RAB3C: variants seen among roughly 807,000 people sequenced by gnomAD.
RAB3C encodes ras-related protein Rab-3C.
RAB3C carries 17 observed loss-of-function variants against 26.4 expected under a neutral mutation model. That is an observed-to-expected ratio of 0.64 (90% CI 0.44 to 0.97). The LOEUF is 0.97. Among genes scored for constraint, RAB3C ranks in the 50% least tolerant of loss-of-function variants. The probability of loss-of-function intolerance (pLI) is 0.00; values close to 1 mark genes in which losing one functional copy is unlikely to be tolerated. For synonymous variants in RAB3C, 91 were observed against 95.9 expected (o/e 0.95, Z 0.30); for missense variants, 242 against 281.9 (o/e 0.86, Z 1.01).
chr5:58,822,265 G>A (rs544014192), intron 3 of RAB3C, among the ~76,000 whole-genome samples: 16 of 152,300 alleles, frequency 1.1e-4, no homozygotes, highest in African/African-American at 3.6e-4. Context: ...CTGCCAGAAC[G>A]TGACTCCCAC....
intron 2 of RAB3C, among the ~76,000 whole-genome samples, chr5:58,654,675 T>C (rs1747728445): frequency 8.6e-6 from 1 of 115,608 alleles, no homozygotes; most frequent in Non-Finnish European, 1.7e-5. Flanking sequence ...ATGCTCTCAC[T>C]CTCTCTTCTC....
At chr5:58,810,579 T>C (rs7728705) in intron 3 of RAB3C, among the ~76,000 whole-genome samples, 25,587 of 152,036 alleles carry the variant, frequency 0.17, 3,716 homozygotes, top group African/African-American at 0.4. Flanking sequence ...GCATGAGATA[T>C]ATCTTTTAGT....
At chr5:58,839,349 T>TTTTATTTATTTA (rs59909509) in intron 4 of RAB3C, among the ~76,000 whole-genome samples, 7,021 of 98,786 alleles carry the variant, frequency 0.071, 239 homozygotes, top group East Asian at 0.16. Context: ...TAAGTTTTTA[T>TTTTATTTATTTA]TTTATTTATT....
intron 3 of RAB3C, among the ~76,000 whole-genome samples, chr5:58,805,819 T>A (rs1742929456): frequency 6.6e-6 from 1 of 151,984 alleles, no homozygotes; most frequent in Non-Finnish European, 1.5e-5. Flanking sequence ...ACAAAGTATA[T>A]CACCCTGAAA....
chr5:58,850,322 G>C (rs912805237), intron 4 of RAB3C, among the ~76,000 whole-genome samples: 16 of 152,272 alleles, frequency 1.1e-4, no homozygotes, highest in African/African-American at 3.6e-4. Context: ...CCAGATGTTG[G>C]TAAAAACATT....
intron 3 of RAB3C, among the ~76,000 whole-genome samples, chr5:58,764,275 C>T (rs1340426555): frequency 1.3e-5 from 2 of 149,522 alleles, no homozygotes; most frequent in African/African-American, 4.9e-5. Context: ...ATCTAGCCTC[C>T]ATTCCTTGTG....
At chr5:58,851,076 C>A (rs1228688913) in intron 4 of RAB3C, 88 bp from the exon 5 acceptor site, 11 of 1,295,202 alleles carry the variant, frequency 8.5e-6, no homozygotes, top group African/African-American at 1.5e-5. Flanking sequence ...CTCACCATCA[C>A]CTCATCACTA....
chr5:58,624,681 C>A (rs1447591877), intron 2 of RAB3C, among the ~76,000 whole-genome samples: 1 of 152,076 alleles, frequency 6.6e-6, no homozygotes, highest in Non-Finnish European at 1.5e-5. Flanking sequence ...AGATGGGAAA[C>A]ATTGACAACT....
rs1744300190 is a variant in RAB3C, at chr5:58,857,954, A to G, written c.*6603A>G. On this transcript the variant is annotated 3_prime_UTR_variant, in exon 5 of 5. Coordinates refer to ENST00000282878, the MANE Select transcript of RAB3C (RefSeq NM_138453.4). Reference sequence around the variant, plus strand: ...TCTTAAACTCCTACTTGCCATTTCTAAGGCAAAGCATTCATTTTAATATTG... The same window carrying G: ...TCTTAAACTCCTACTTGCCATTTCTGAGGCAAAGCATTCATTTTAATATTG... 1.3e-5 allele frequency: 2 copies of G among 152,322 alleles called. No homozygotes were observed. Among genetic ancestry groups the G allele is most frequent in the South Asian group, 4.1e-4 (2 of 4,824 alleles). 9.4% of individuals were successfully genotyped at this position (152,322 alleles called of 1,614,324 possible). A position where few individuals can be genotyped will look rare whatever the true frequency, so the allele number is the denominator to read the frequency against.
intron 1 of RAB3C, among the ~76,000 whole-genome samples, chr5:58,583,781 C>T (rs538678086): frequency 1.3e-5 from 2 of 152,280 alleles, no homozygotes; most frequent in Admixed American, 1.3e-4. Context: ...TGGCATATCC[C>T]TGAGCTATGC....
chr5:58,608,568 G>T (rs1746623384), intron 1 of RAB3C, among the ~76,000 whole-genome samples: 1 of 152,152 alleles, frequency 6.6e-6, no homozygotes, highest in Non-Finnish European at 1.5e-5. Context: ...GGAGAAATAG[G>T]AACACTTTTA....
At chr5:58,703,050 T>A (rs1748879406) in intron 2 of RAB3C, among the ~76,000 whole-genome samples, 1 of 152,224 alleles carries the variant, frequency 6.6e-6, no homozygotes, top group Non-Finnish European at 1.5e-5. Flanking sequence ...ATGACTTCCA[T>A]GAAAAGAAAT....
intron 3 of RAB3C, among the ~76,000 whole-genome samples, chr5:58,786,558 C>A (rs6898722): frequency 0.055 from 8,368 of 152,202 alleles, 777 homozygotes; most frequent in African/African-American, 0.19. Context: ...TGCCCTGGTT[C>A]TTCCATGCTC....
intron 3 of RAB3C, among the ~76,000 whole-genome samples, chr5:58,773,320 A>G (rs1168123669): frequency 6.6e-6 from 1 of 152,144 alleles, no homozygotes; most frequent in Non-Finnish European, 1.5e-5. Context: ...AAGAACCCCT[A>G]TTAGTAAAAG....
rs537072013 is a variant in RAB3C, at chr5:58,644,979, G to A, written c.252+27109G>A. On this transcript the variant is annotated intron_variant, in intron 2 of 4. Transcript: ENST00000282878. ...CTATTTCTTGGTTAATAACCAAACCGAGTAATTCAAGAATCAAGTAATATT... is the reference window on the plus strand; with the variant it reads ...CTATTTCTTGGTTAATAACCAAACCAAGTAATTCAAGAATCAAGTAATATT... 7.9e-5 allele frequency among the ~76,000 whole-genome samples: 12 copies of A among 152,258 alleles called. No homozygotes were observed. The South Asian group carries it at 1.5e-3, about 18-fold the overall frequency.
chr5:58,667,931 A>C (rs929883154), intron 2 of RAB3C, among the ~76,000 whole-genome samples: 3 of 152,124 alleles, frequency 2.0e-5, no homozygotes, highest in Admixed American at 2.0e-4. Context: ...TGAAATTATT[A>C]ATATTCATCC....
chr5:58,755,758 TGTGGGG>T (rs1437307997), intron 3 of RAB3C, among the ~76,000 whole-genome samples: 1 of 152,196 alleles, frequency 6.6e-6, no homozygotes, highest in Non-Finnish European at 1.5e-5. Context: ...AACTGGTAAG[TGTGGGG>T]ACTGCTGAGT....
At chr5:58,617,556 C>T in intron 1 of RAB3C, 87 bp from the exon 2 acceptor site, 1 of 1,082,770 alleles carries the variant, frequency 9.2e-7, no homozygotes, top group South Asian at 1.2e-5. Context: ...CTGGCAAGGC[C>T]AATAATGAGT....
intron 3 of RAB3C, among the ~76,000 whole-genome samples, chr5:58,770,247 A>G (rs1229682300): frequency 6.6e-6 from 1 of 152,174 alleles, no homozygotes; most frequent in Non-Finnish European, 1.5e-5. Context: ...TTTCTCAACT[A>G]GAGTAGAAAA....
Sources: gnomAD v4.1 joint callset for allele counts (sites outside exome capture counted in the v4.1 genomes callset) on GRCh38, gnomAD v4.1.1 for gene constraint, MANE v1.5 for transcripts, NCBI Gene and HGNC (gene_info 2026-07-23, HGNC 2026-07-21) for gene names.